The following HERC2 variants were observed in gnomAD, a reference collection of about 807,000 sequenced individuals.
HERC2 encodes the protein E3 ubiquitin-protein ligase HERC2.
In HERC2, 102 loss-of-function variants were observed where a neutral mutation model predicts 537.7. The ratio of observed to expected loss-of-function variants is 0.19; its 90% CI spans 0.16 to 0.22. HERC2 has a LOEUF of 0.22. Ranked by LOEUF, HERC2 falls within the 10% of genes least tolerant of loss-of-function variation. The pLI is 1.00. For missense variants in HERC2, 4,236 were observed against 6,198.2 expected, an observed-to-expected ratio of 0.68 and a Z score of 10.63; for synonymous variants, 2,224 against 2,466.2, an observed-to-expected ratio of 0.90 and a Z score of 2.91.
chr15:28,310,248 C>T (rs143659671), intron 2 of HERC2, among the ~76,000 whole-genome samples: 1,585 of 152,074 alleles, frequency 0.01, 6 homozygotes, highest in African/African-American at 0.037. Context: ...GAGTACAAGA[C>T]CAGCCTGAAC....
intron 44 of HERC2, among the ~76,000 whole-genome samples, chr15:28,207,758 G>C (rs1331009078): frequency 6.6e-6 from 1 of 151,982 alleles, no homozygotes; most frequent in African/African-American, 2.4e-5. Context: ...CAACTAACTA[G>C]ACCAGGAGCT....
chr15:28,278,907 C>T (rs1390446816), intron 5 of HERC2, among the ~76,000 whole-genome samples: 2 of 152,188 alleles, frequency 1.3e-5, no homozygotes, highest in African/African-American at 4.8e-5. Context: ...TTACATAAGC[C>T]TTAAACATTC....
At chr15:28,165,730 G>T (rs531766217) in intron 68 of HERC2, among the ~76,000 whole-genome samples, 2 of 152,082 alleles carry the variant, frequency 1.3e-5, no homozygotes, top group African/African-American at 4.8e-5. Context: ...AGACCAGGAG[G>T]TTGAGGCTGC....
intron 70 of HERC2, among the ~76,000 whole-genome samples, chr15:28,149,004 G>A (rs1276408327): frequency 6.0e-5 from 9 of 149,996 alleles, no homozygotes; most frequent in South Asian, 2.1e-4. Flanking sequence ...GCTCCTAACC[G>A]AGAACATCAC....
At chr15:28,228,939 A>G (rs541233735) in intron 34 of HERC2, among the ~76,000 whole-genome samples, 1 of 152,366 alleles carries the variant, frequency 6.6e-6, no homozygotes, top group South Asian at 2.1e-4. Flanking sequence ...TATAGGACAC[A>G]GACACTTTAG....
rs1050499382 is a variant in HERC2, at chr15:28,232,077, G to A, written c.4675+1069C>T. 1.2e-4 allele frequency among the ~76,000 whole-genome samples: 18 copies of A among 152,234 alleles called. No homozygotes were observed. In the South Asian group the frequency reaches 1.2e-3, roughly 11 times the overall value. On this transcript the variant is annotated intron_variant, in intron 30 of 92. Coordinates refer to ENST00000261609, the MANE Select transcript of HERC2 (RefSeq NM_004667.6). ...GACTTCCGGATCCAGAGCACCCCTC[G>A]CATTCAGACAGGCTGTTATGGTGTA...
intron 2 of HERC2, among the ~76,000 whole-genome samples, chr15:28,310,258 C>A (rs1349296373): frequency 6.6e-6 from 1 of 152,140 alleles, no homozygotes; most frequent in African/African-American, 2.4e-5. Context: ...CCAGCCTGAA[C>A]AACATGGCAA....
rs750016015 is a variant in HERC2 at position 28,270,760 on chromosome 15, C to T, written c.1192G>A (p.Ala398Thr). 1 of 1,613,920 alleles carries T rather than the reference C, an allele frequency of 6.2e-7. No individual in the cohort carries two copies. Among genetic ancestry groups the T allele is most frequent in the South Asian group, 1.1e-5 (1 of 91,064 alleles). ...DLRQTAVVVM[A>T]HLDRLATPCM... The stretch of plus-strand genomic sequence containing the variant: ...GGCGTAGCCAGACGGTCTAAATGGG[C>T]CATGACAACAACCGCCGTTTGTCGC... The change falls in exon 10 of 93, where the codon GCC becomes ACC. Residue 398 changes from alanine to threonine, a missense_variant. This residue lies in a region of HERC2 where 491 missense variants were observed against 559.3 expected (regional missense o/e 0.88). Coordinates refer to ENST00000261609, the MANE Select transcript of HERC2 (RefSeq NM_004667.6).
rs765962818 is a variant in HERC2, at chr15:28,113,542, G to T, written c.14019+31C>A. On this transcript the variant is annotated intron_variant, in intron 91 of 92. Transcript: ENST00000261609. This position sits in a 1 kb window ranked among gnomAD's most constrained non-coding sequence, Gnocchi z 7.0. ...GTGGGTCAGCAGGCAAAAGGCAGCT[G>T]CAGGGCAGCCCCACCTGGGGGTCGG... is the stretch of plus-strand genomic sequence containing the variant. The T allele has an allele frequency of 6.3e-7, 1 of 1,580,642 alleles. No homozygotes were observed. The highest frequency in any genetic ancestry group is 8.7e-7 in the Non-Finnish European group (1 of 1,149,874).
At position 28,177,448 on chromosome 15, in the gene HERC2, G is replaced by A. The variant is rs141457389; in HGVS notation, c.9225C>T (p.Asp3075=). 42 of 1,614,130 alleles carry A rather than the reference G, an allele frequency of 2.6e-5. No individual in the cohort carries two copies. Among genetic ancestry groups the A allele is most frequent in the African/African-American group, 2.0e-4 (15 of 75,018 alleles). The change falls in exon 60 of 93, where the codon GAC becomes GAT. Residue 3075 remains aspartate (D), a synonymous_variant. Coordinates refer to ENST00000261609, the MANE Select transcript of HERC2 (RefSeq NM_004667.6). The surrounding 1 kb of genome is among the most constrained non-coding windows in gnomAD (Gnocchi z 5.0). ...DGKVFSWGEG[D]DGKLGHFSRM... is the part of the protein sequence containing the mutation. ...TGCTGAAGTGTCCAAGTTTTCCATC[G>A]TCACCTTCGCCCCACGAAAACACTT...
chr15:28,132,442 G>A (rs529605361), intron 80 of HERC2, among the ~76,000 whole-genome samples, 181 bp from the exon 81 acceptor site: 2 of 152,350 alleles, frequency 1.3e-5, no homozygotes, highest in South Asian at 2.1e-4. Flanking sequence ...TGAACTACAT[G>A]CATCTAAACC....
Position 28,122,288 on chromosome 15 carries a change from C to T in HERC2, c.13189-859G>A, listed in dbSNP as rs933454429. ...GCAGAGGATGCGGCACGCAGCCGTG[C>T]CAATGGAAAGGGATGAGACAGGTCA... On this transcript the variant is annotated intron_variant, in intron 85 of 92. Transcript: ENST00000261609. The surrounding 1 kb of genome is among the most constrained non-coding windows in gnomAD (Gnocchi z 4.1). Among the ~76,000 whole-genome samples, 1 of 152,210 alleles carries T rather than the reference C, an allele frequency of 6.6e-6. No homozygotes were observed. The highest frequency in any genetic ancestry group is 6.5e-5 in the Admixed American group (1 of 15,290).
chr15:28,254,823 G>A (rs1445477633), intron 19 of HERC2, among the ~76,000 whole-genome samples: 1 of 152,210 alleles, frequency 6.6e-6, no homozygotes, highest in Admixed American at 6.5e-5. Flanking sequence ...AATGTGATGT[G>A]CCCCACACAT....
At chr15:28,263,603 A>G (rs1276670589) in intron 14 of HERC2, among the ~76,000 whole-genome samples, 5 of 100,264 alleles carry the variant, frequency 5.0e-5, no homozygotes, top group Non-Finnish European at 8.3e-5. Flanking sequence ...TCCCAACTGC[A>G]TATCAGCATA....
intron 12 of HERC2, among the ~76,000 whole-genome samples, chr15:28,266,760 GAGGT>G (rs374557988): frequency 6.6e-6 from 1 of 152,286 alleles, no homozygotes; most frequent in African/African-American, 2.4e-5. Context: ...TCAGGAACTG[GAGGT>G]AGGAAGGGGG....
At chr15:28,298,160 T>G (rs940740316) in intron 3 of HERC2, among the ~76,000 whole-genome samples, 57 of 151,020 alleles carry the variant, frequency 3.8e-4, no homozygotes, top group Non-Finnish European at 2.4e-4. Context: ...GTTTTTTGTT[T>G]TTTTTTTTTT....
intron 4 of HERC2, among the ~76,000 whole-genome samples, chr15:28,283,786 C>T (rs1047047673): frequency 3.9e-5 from 6 of 152,110 alleles, no homozygotes; most frequent in Non-Finnish European, 7.4e-5. Flanking sequence ...CATAAAGGAA[C>T]GTCAAGGGAG....
chr15:28,191,932 G>C, intron 53 of HERC2, 29 bp downstream of exon 53: 1 of 1,590,028 alleles, frequency 6.3e-7, no homozygotes, highest in Non-Finnish European at 8.6e-7. Flanking sequence ...GTGTGAAAGT[G>C]CCCGCTGCTG....
Position 28,220,459 on chromosome 15 carries a change from A to C in HERC2, c.5838T>G (p.Asp1946Glu). ...CCTTCCTGAGTCACCCACCAGAGTC[A>C]TCCTCTGTGTCCGAATCCTCTGCTG... ...QPSAEDSDTEDDSEAEQTERN... is the reference protein window; with the variant it reads ...QPSAEDSDTEEDSEAEQTERN... Residue 1946 changes from aspartate to glutamate, a missense_variant, in exon 37 of 93, where the codon GAT (aspartate) becomes GAG (glutamate). Physicochemically the swap from Asp to Glu is conservative, Grantham distance 45 (BLOSUM62 2). This residue lies in a region of HERC2 where 365 missense variants were observed against 468.8 expected (regional missense o/e 0.78). Transcript: ENST00000261609. 6.3e-7 allele frequency: 1 copy of C among 1,588,974 alleles called. No homozygotes were observed. The highest frequency in any genetic ancestry group is 8.6e-7 in the Non-Finnish European group (1 of 1,164,366).
Sources: allele counts gnomAD v4.1 joint callset (sites outside exome capture counted in the v4.1 genomes callset), GRCh38; gene constraint gnomAD v4.1.1; regional missense constraint gnomAD v4.1.1; non-coding constraint Gnocchi (gnomAD v3.1); transcripts MANE v1.5; gene names NCBI Gene and HGNC (gene_info 2026-07-23, HGNC 2026-07-21).